ZNF423: variants seen among roughly 807,000 people sequenced by gnomAD.
ZNF423 encodes the protein Ebf-associated zinc finger protein.
In ZNF423, 12 loss-of-function variants were observed where a neutral mutation model predicts 95.8. The observed-to-expected ratio is 0.13, with a 90% CI of 0.08 to 0.20. The LOEUF is 0.20. ZNF423 is among the 10% of genes least tolerant of loss of function. The pLI, the probability that ZNF423 is intolerant of heterozygous loss-of-function variation, is 1.00. For missense variants in ZNF423, 1,316 were observed against 1,737.1 expected, an observed-to-expected ratio of 0.76 and a Z score of 4.31; for synonymous variants, 749 against 711.9, an observed-to-expected ratio of 1.05 and a Z score of -0.83.
intron 5 of ZNF423, among the ~76,000 whole-genome samples, chr16:49,611,450 C>CA (rs1380158559): frequency 2.0e-5 from 3 of 151,520 alleles, no homozygotes; most frequent in Non-Finnish European, 4.4e-5. Context: ...CTGAACTGAA[C>CA]AAAAAAATAA....
Position 49,637,681 on chromosome 16 carries a change from C to A in ZNF423, c.1495G>T (p.Asp499Tyr). ...ATGTGCTCCTGCAGGCTATTGATGT[C>A]GGCGAACATCTCGGGGCAGTAGTTG... ...HCNYCPEMFA[D>Y]INSLQEHIRV... The change falls in exon 4 of 8, where the codon GAC (aspartate) becomes TAC (tyrosine). Residue 499 changes from aspartate to tyrosine, a missense_variant. Asp to Tyr is a radical substitution (Grantham distance 160). Transcript: ENST00000563137. This position sits in a 1 kb window ranked among gnomAD's most constrained non-coding sequence, Gnocchi z 5.6. The A allele has an allele frequency of 6.2e-7, 1 of 1,614,102 alleles. No individual in the cohort carries two copies. Among genetic ancestry groups the A allele is most frequent in the Non-Finnish European group, 8.5e-7 (1 of 1,180,032 alleles).
intron 1 of ZNF423, among the ~76,000 whole-genome samples, chr16:49,849,438 C>T (rs2035278631): frequency 6.6e-6 from 1 of 152,194 alleles, no homozygotes; most frequent in African/African-American, 2.4e-5. Context: ...ATCCAGAGAA[C>T]AACCCACTTG....
At chr16:49,675,646 T>C (rs1470758379) in intron 3 of ZNF423, among the ~76,000 whole-genome samples, 1 of 152,120 alleles carries the variant, frequency 6.6e-6, no homozygotes, top group Non-Finnish European at 1.5e-5. Flanking sequence ...CACACCCAAG[T>C]GCTCACACGC....
chr16:49,776,465 C>A (rs536170235), intron 2 of ZNF423, among the ~76,000 whole-genome samples: 2 of 152,218 alleles, frequency 1.3e-5, no homozygotes, highest in Non-Finnish European at 2.9e-5. Flanking sequence ...AGGCCATTGT[C>A]GGCCTTTGTT....
intron 7 of ZNF423, chr16:49,517,917 A>G (rs1451276346): frequency 2.2e-6 from 1 of 448,634 alleles, no homozygotes; most frequent in Non-Finnish European, 4.4e-6. Flanking sequence ...AAGGTAAAAA[A>G]GAAATGTAGA....
intron 3 of ZNF423, among the ~76,000 whole-genome samples, chr16:49,728,021 T>G (rs1286058563): frequency 6.6e-6 from 1 of 152,150 alleles, no homozygotes; most frequent in African/African-American, 2.4e-5. Context: ...AACAGACTTT[T>G]AAGGTGAATC....
chr16:49,571,236 A>C (rs1037429459), intron 5 of ZNF423, among the ~76,000 whole-genome samples: 1 of 152,064 alleles, frequency 6.6e-6, no homozygotes, highest in African/African-American at 2.4e-5. Context: ...TCATTCATTC[A>C]AAAAACAAGC....
chr16:49,618,926 T>C (rs1367839231), intron 5 of ZNF423, among the ~76,000 whole-genome samples: 1 of 152,122 alleles, frequency 6.6e-6, no homozygotes, highest in Non-Finnish European at 1.5e-5. Flanking sequence ...ATCCTCACCT[T>C]CTCTCACCTA....
intron 5 of ZNF423, among the ~76,000 whole-genome samples, chr16:49,569,583 G>T (rs1970296745): frequency 1.3e-5 from 2 of 152,148 alleles, no homozygotes; most frequent in South Asian, 4.1e-4. Context: ...GTAACAGCAG[G>T]CTTGTTGCAA....
intron 3 of ZNF423, among the ~76,000 whole-genome samples, chr16:49,648,414 G>T (rs1300566894): frequency 6.7e-6 from 1 of 148,578 alleles, no homozygotes; most frequent in Non-Finnish European, 1.5e-5. Context: ...GGCTGAGGCA[G>T]GCGGATCACC....
At chr16:49,699,236 G>C (rs1466523747) in intron 3 of ZNF423, among the ~76,000 whole-genome samples, 1 of 152,146 alleles carries the variant, frequency 6.6e-6, no homozygotes, top group Non-Finnish European at 1.5e-5. Context: ...AATTGCCAGC[G>C]GCTGGCCGGC....
At chr16:49,669,767 C>T (rs369594606) in intron 3 of ZNF423, among the ~76,000 whole-genome samples, 1 of 152,046 alleles carries the variant, frequency 6.6e-6, no homozygotes, top group East Asian at 1.9e-4. Flanking sequence ...GCTGGGAAAT[C>T]GGGCCCTAGC....
intron 3 of ZNF423, among the ~76,000 whole-genome samples, chr16:49,713,328 G>C (rs1247206649): frequency 6.6e-6 from 1 of 152,246 alleles, no homozygotes; most frequent in African/African-American, 2.4e-5. Flanking sequence ...ATCTAAGAGA[G>C]CCCAGGGAGT....
At chr16:49,758,774 A>G (rs558493990) in intron 2 of ZNF423, among the ~76,000 whole-genome samples, 69 of 151,972 alleles carry the variant, frequency 4.5e-4, no homozygotes, top group Admixed American at 7.2e-4. Flanking sequence ...AAAAAAAATT[A>G]CTCCCTCATG....
intron 1 of ZNF423, among the ~76,000 whole-genome samples, chr16:49,837,950 G>A (rs867371435): frequency 6.6e-6 from 1 of 152,194 alleles, no homozygotes; most frequent in Non-Finnish European, 1.5e-5. Flanking sequence ...ACAATCCGGG[G>A]AGCTGCTCAC....
At position 49,490,403 on chromosome 16, in the gene ZNF423, A is replaced by G. The variant is rs1479560776; in HGVS notation, c.*872T>C. ...CATCATTAAGGGGTCTTCTGCTTTG[A>G]CTCCTGTGGCCACTGCCAGCCTGTC... On this transcript the variant is annotated 3_prime_UTR_variant, in exon 8 of 8. Coordinates refer to ENST00000563137, the MANE Select transcript of ZNF423 (RefSeq NM_001379286.1). 2 of 151,930 alleles carry G rather than the reference A, an allele frequency of 1.3e-5. No individual in the cohort carries two copies. Among genetic ancestry groups the G allele is most frequent in the African/African-American group, 2.4e-5 (1 of 41,310 alleles). 9.4% of individuals were successfully genotyped at this position (151,930 alleles called of 1,614,324 possible).
intron 3 of ZNF423, among the ~76,000 whole-genome samples, chr16:49,650,250 G>A (rs1276615750): frequency 3.9e-5 from 6 of 152,206 alleles, no homozygotes; most frequent in Non-Finnish European, 7.3e-5. Flanking sequence ...TCAGCCCTGA[G>A]GGACAGCAGA....
chr16:49,497,225 A>T (rs998082676), intron 7 of ZNF423, among the ~76,000 whole-genome samples: 3 of 151,662 alleles, frequency 2.0e-5, no homozygotes, highest in Non-Finnish European at 4.4e-5. Context: ...CCGCCCATCT[A>T]TTCATCTATC....
At chr16:49,790,974 G>A (rs1185329954) in intron 1 of ZNF423, among the ~76,000 whole-genome samples, 1 of 152,104 alleles carries the variant, frequency 6.6e-6, no homozygotes, top group Non-Finnish European at 1.5e-5. Flanking sequence ...AACTCAAACA[G>A]TCCTGCTCTA....
Sources: gnomAD v4.1 joint callset for allele counts (sites outside exome capture counted in the v4.1 genomes callset) on GRCh38, gnomAD v4.1.1 for gene constraint, Gnocchi (gnomAD v3.1) non-coding constraint, MANE v1.5 for transcripts, NCBI Gene and HGNC (gene_info 2026-07-23, HGNC 2026-07-21) for gene names.